The following NLRC5 variants were observed in gnomAD, a reference collection of about 807,000 sequenced individuals.
NLRC5 encodes the protein protein NLRC5.
NLRC5 carries 114 observed loss-of-function variants against 206.9 expected under a neutral mutation model. The observed-to-expected ratio is 0.55, with a 90% CI of 0.47 to 0.64. The LOEUF is 0.64. NLRC5 is among the 30% of genes least tolerant of loss of function. The probability of loss-of-function intolerance (pLI) is 0.00; values close to 1 mark genes in which losing one functional copy is unlikely to be tolerated. For synonymous variants in NLRC5, 952 were observed against 962.8 expected, an observed-to-expected ratio of 0.99 and a Z score of 0.21; for missense variants, 2,008 against 2,305.5, an observed-to-expected ratio of 0.87 and a Z score of 2.64.
chr16:57,025,650 C>T lies in NLRC5; in HGVS notation c.707C>T (p.Thr236Met), dbSNP rs759725966. Residue 236 changes from threonine (T) to methionine (M), a missense_variant, in exon 6 of 49, where the codon ACG becomes ATG. By Grantham distance (81) the Thr-to-Met change is moderately conservative. Coordinates refer to ENST00000688547, the MANE Select transcript of NLRC5 (RefSeq NM_001384950.1). ...LLGKAGMGKTTLAHRLCQKWA... is the reference protein window; with the variant it reads ...LLGKAGMGKTMLAHRLCQKWA... ...GGGAAGGCTGGCATGGGCAAGACCA[C>T]GCTGGCCCACCGGCTCTGCCAGAAG... is the stretch of plus-strand genomic sequence containing the variant. The T allele has an allele frequency of 1.4e-5, 22 of 1,614,066 alleles. No homozygotes were observed. The highest frequency in any genetic ancestry group is 1.6e-4 in the Middle Eastern group (1 of 6,084).
chr16:57,008,341 C>T (rs1410718253), intron 1 of NLRC5, among the ~76,000 whole-genome samples: 1 of 152,146 alleles, frequency 6.6e-6, no homozygotes, highest in Non-Finnish European at 1.5e-5. Context: ...TGTAAGTGTA[C>T]AACTTCATGA....
At chr16:56,990,580 G>A (rs1461374949) in intron 1 of NLRC5, 2 of 152,126 alleles carry the variant, frequency 1.3e-5, no homozygotes, top group East Asian at 3.8e-4. Context: ...TGCCGTTTGC[G>A]TCCATTTTAT....
At chr16:57,039,039 C>T (rs984681058) in intron 15 of NLRC5, among the ~76,000 whole-genome samples, 10 of 151,870 alleles carry the variant, frequency 6.6e-5, no homozygotes, top group African/African-American at 2.4e-4. Context: ...GCTTCTAGCC[C>T]TTAAAAAACT....
chr16:57,027,197 G>T (rs1056571342), intron 6 of NLRC5, among the ~76,000 whole-genome samples, 179 bp downstream of exon 6: 3 of 152,220 alleles, frequency 2.0e-5, no homozygotes, highest in Non-Finnish European at 2.9e-5. Context: ...AGTCCAAATG[G>T]ATCCTCCTCT....
In NLRC5 at chr16:57,026,516, C is replaced by A. The variant is rs1382700487; in HGVS notation, c.1573C>A (p.His525Asn). The change falls in exon 6 of 49, where the codon CAC (histidine) becomes AAC (asparagine). Residue 525 changes from histidine (H) to asparagine (N), a missense_variant. Coordinates refer to ENST00000688547, the MANE Select transcript of NLRC5 (RefSeq NM_001384950.1). ...CCTGCAGGAGTTTCTTGCTGCCCTGCACCTGATGGCCAGCCCCAAGGTGAA... is the reference window on the plus strand; with the variant it reads ...CCTGCAGGAGTTTCTTGCTGCCCTGAACCTGATGGCCAGCCCCAAGGTGAA... ...LSLQEFLAALHLMASPKVNKD... is the reference protein window; with the variant it reads ...LSLQEFLAALNLMASPKVNKD... 1.9e-6 allele frequency: 3 copies of A among 1,614,058 alleles called. No individual in the cohort carries two copies. The highest frequency in any genetic ancestry group is 2.2e-5 in the East Asian group (1 of 44,896).
intron 37 of NLRC5, among the ~76,000 whole-genome samples, chr16:57,070,122 G>T (rs1215912277): frequency 6.6e-6 from 1 of 152,200 alleles, no homozygotes; most frequent in Non-Finnish European, 1.5e-5. Context: ...ACTCACAGAG[G>T]GGCTGTGGGC....
chr16:57,037,087 C>G, intron 14 of NLRC5, 108 bp from the exon 15 acceptor site: 4 of 913,484 alleles, frequency 4.4e-6, no homozygotes, highest in Non-Finnish European at 5.4e-6. Flanking sequence ...CCTAGGACAT[C>G]CAGGAGTGAC....
In NLRC5 at chr16:57,074,601, C is replaced by T. The variant is rs749066205; in HGVS notation, c.4669C>T (p.Leu1557Phe). ...TTCACCTGGCCTCCTCTTCTCCAGCCTCAGTCACCTTCTGCTGAACAGCTC... is the reference window on the plus strand; with the variant it reads ...TTCACCTGGCCTCCTCTTCTCCAGCTTCAGTCACCTTCTGCTGAACAGCTC... ...EGKWMLKRLD[L>F]SHLLLNSSTL... Residue 1557 changes from leucine (L) to phenylalanine (F), a missense_variant and splice_region_variant, in exon 39 of 49, where the codon CTC becomes TTC. Transcript: ENST00000688547. 6 of 1,613,770 alleles carry T rather than the reference C, an allele frequency of 3.7e-6. No individual in the cohort carries two copies. In the African/African-American group the frequency reaches 5.3e-5, roughly 14 times the overall value.
intron 24 of NLRC5, among the ~76,000 whole-genome samples, chr16:57,052,092 G>A (rs893269079): frequency 1.3e-5 from 2 of 151,996 alleles, no homozygotes; most frequent in African/African-American, 2.4e-5. Flanking sequence ...AAAGGTCACC[G>A]TCAAACTCGC....
At chr16:57,059,861 C>T (rs2066192895) in intron 30 of NLRC5, among the ~76,000 whole-genome samples, 1 of 152,070 alleles carries the variant, frequency 6.6e-6, no homozygotes, top group Non-Finnish European at 1.5e-5. Flanking sequence ...GAAAATAAAT[C>T]CCTGATCTGC....
In NLRC5 at chr16:57,059,152, G is replaced by A. The variant is rs370167040; in HGVS notation, c.3920+91G>A. The A allele has an allele frequency of 1.1e-4, 175 of 1,606,794 alleles. No individual in the cohort carries two copies. In the African/African-American group the frequency reaches 2.1e-3, roughly 19 times the overall value. On this transcript the variant is annotated intron_variant, in intron 29 of 48. Transcript: ENST00000688547. ...GGGAGAAGCAAGGCACCCACACTTT[G>A]TGGCCTTCCATCTGGGTGGCTTGGA...
intron 16 of NLRC5, 39 bp from the exon 17 acceptor site, chr16:57,040,611 T>G: frequency 6.3e-7 from 1 of 1,596,004 alleles, no homozygotes; most frequent in East Asian, 2.2e-5. Flanking sequence ...ATGGCGGACA[T>G]GGCCTTTGCT....
intron 32 of NLRC5, chr16:57,062,704 GAC>G (rs1433174104): frequency 6.6e-6 from 1 of 152,408 alleles, no homozygotes; most frequent in African/African-American, 2.4e-5. Context: ...TGCAGCCTGT[GAC>G]AAGGCACCTA....
At chr16:56,993,986 A>G (rs2057287706) in intron 1 of NLRC5, among the ~76,000 whole-genome samples, 1 of 151,282 alleles carries the variant, frequency 6.6e-6, no homozygotes, top group Admixed American at 6.6e-5. Context: ...AAAAAGCAAG[A>G]TATGACATTT....
In NLRC5 at chr16:57,047,527, C is replaced by G; in HGVS notation, c.3339-18C>G. 6.2e-7 allele frequency: 1 copy of G among 1,606,146 alleles called. No individual in the cohort carries two copies. The highest frequency in any genetic ancestry group is 8.5e-7 in the Non-Finnish European group (1 of 1,175,474). On this transcript the variant is annotated intron_variant, in intron 22 of 48. Coordinates refer to ENST00000688547, the MANE Select transcript of NLRC5 (RefSeq NM_001384950.1). ...GGGCTTTCTCTGATTCCCTGCCCTG[C>G]CCATTGCCCCTTTGCAGCCTCAGTG...
At chr16:57,039,978 T>A in intron 16 of NLRC5, 129 bp downstream of exon 16, 2 of 831,444 alleles carry the variant, frequency 2.4e-6, no homozygotes, top group Non-Finnish European at 1.9e-6. Context: ...GAGCGGGAAG[T>A]GAGCAGGCTT....
Position 57,021,058 on chromosome 16 carries a change from T to C in NLRC5, c.295+51T>C, listed in dbSNP as rs1395129803. ...AGCAGCCGGGCCAGTACCTGCGTCATGGGGAGCCGGGAGGAGCCCAGGGAC... is the reference window on the plus strand; with the variant it reads ...AGCAGCCGGGCCAGTACCTGCGTCACGGGGAGCCGGGAGGAGCCCAGGGAC... On this transcript the variant is annotated intron_variant, in intron 3 of 48. Coordinates refer to ENST00000688547, the MANE Select transcript of NLRC5 (RefSeq NM_001384950.1). The C allele has an allele frequency of 4.5e-6, 7 of 1,572,856 alleles. No individual in the cohort carries two copies. In the East Asian group the frequency reaches 1.4e-4, roughly 30 times the overall value.
intron 13 of NLRC5, 36 bp downstream of exon 13, chr16:57,034,287 G>A: frequency 7.7e-7 from 1 of 1,305,170 alleles, no homozygotes; most frequent in South Asian, 1.2e-5. Context: ...TAGGAGCCAG[G>A]AAAGGAGGTT....
intron 1 of NLRC5, among the ~76,000 whole-genome samples, chr16:57,008,316 CAT>C (rs2059140539): frequency 6.6e-6 from 1 of 152,126 alleles, no homozygotes; most frequent in Non-Finnish European, 1.5e-5. Flanking sequence ...AAACATAACA[CAT>C]AGAAAAATGT....
Sources: allele counts gnomAD v4.1 joint callset (sites outside exome capture counted in the v4.1 genomes callset), GRCh38; gene constraint gnomAD v4.1.1; transcripts MANE v1.5; gene names NCBI Gene and HGNC (gene_info 2026-07-23, HGNC 2026-07-21).